GALNT13: variants seen among roughly 807,000 people sequenced by gnomAD.
GALNT13 encodes UDP-GalNAc:polypeptide N-acetylgalactosaminyltransferase 13.
In GALNT13, 28 loss-of-function variants were observed where a neutral mutation model predicts 64.2. The observed-to-expected ratio is 0.44, with a 90% CI of 0.32 to 0.60. The LOEUF is 0.60. Among genes scored for constraint, GALNT13 ranks in the 20% least tolerant of loss-of-function variants. The probability of loss-of-function intolerance (pLI) is 0.05; values close to 1 mark genes in which losing one functional copy is unlikely to be tolerated. For missense variants in GALNT13, 577 were observed against 669.8 expected, an observed-to-expected ratio of 0.86 and a Z score of 1.53; for synonymous variants, 214 against 224.6, an observed-to-expected ratio of 0.95 and a Z score of 0.42.
chr2:153,095,348 C>T, the GALNT13 span, among the ~76,000 whole-genome samples: 2 of 152,196 alleles, frequency 1.3e-5, no homozygotes. Flanking sequence ...GATGCCATCT[C>T]ATACCAGTTA....
chr2:154,037,852 A>G (rs1160321895), intron 3 of GALNT13, among the ~76,000 whole-genome samples: 1 of 152,164 alleles, frequency 6.6e-6, no homozygotes, highest in Non-Finnish European at 1.5e-5. Flanking sequence ...GTGAAAGAGG[A>G]CATAAAAATA....
chr2:153,460,131 A>G, the GALNT13 span, among the ~76,000 whole-genome samples: 2 of 152,088 alleles, frequency 1.3e-5, no homozygotes. Flanking sequence ...GGATCTTTTT[A>G]TGATAACTTA....
At chr2:154,212,887 TA>T (rs1167497808) in intron 4 of GALNT13, among the ~76,000 whole-genome samples, 3 of 152,102 alleles carry the variant, frequency 2.0e-5, no homozygotes, top group South Asian at 2.1e-4. Flanking sequence ...CACATTTTAT[TA>T]ATCTCAATGG....
At chr2:154,013,948 G>A (rs1485773377) in intron 3 of GALNT13, among the ~76,000 whole-genome samples, 1 of 152,214 alleles carries the variant, frequency 6.6e-6, no homozygotes. Flanking sequence ...TGCCAGCGAA[G>A]AAGCTATCAT....
chr2:153,671,904 G>T, the GALNT13 span, among the ~76,000 whole-genome samples: 1 of 151,844 alleles, frequency 6.6e-6, no homozygotes, highest in African/African-American at 2.4e-5. Context: ...TTGCAATCCT[G>T]GTCTCTGATA....
chr2:153,880,320 T>G (rs180732508), intron 1 of GALNT13, among the ~76,000 whole-genome samples: 6 of 152,286 alleles, frequency 3.9e-5, no homozygotes, highest in Admixed American at 2.6e-4. Flanking sequence ...TTATTTAATA[T>G]TTTTGTTTAA....
intron 9 of GALNT13, among the ~76,000 whole-genome samples, chr2:154,328,215 T>G (rs986004447): frequency 3.3e-5 from 5 of 152,136 alleles, no homozygotes; most frequent in Admixed American, 3.3e-4. Context: ...AAGTGCTATC[T>G]TGAAGATTGT....
chr2:153,143,028 G>T, the GALNT13 span, among the ~76,000 whole-genome samples: 2 of 152,000 alleles, frequency 1.3e-5, no homozygotes, highest in African/African-American at 4.8e-5. Flanking sequence ...AGCTTCAAAG[G>T]TGTGAATGGA....
the GALNT13 span, among the ~76,000 whole-genome samples, chr2:153,392,914 G>A: frequency 6.6e-6 from 1 of 151,998 alleles, no homozygotes; most frequent in Non-Finnish European, 1.5e-5. Context: ...AGGTCCAAGG[G>A]AGATTGTTAG....
the GALNT13 span, among the ~76,000 whole-genome samples, chr2:153,378,807 T>C: frequency 6.6e-6 from 1 of 152,144 alleles, no homozygotes; most frequent in East Asian, 1.9e-4. Context: ...GTGTAATGTG[T>C]TAGTTTGGAA....
intron 10 of GALNT13, among the ~76,000 whole-genome samples, 171 bp downstream of exon 10, chr2:154,396,301 C>T (rs1699049409): frequency 6.6e-6 from 1 of 151,870 alleles, no homozygotes; most frequent in African/African-American, 2.4e-5. Context: ...CATAAGGAAT[C>T]ATAAAAATGA....
Position 153,971,918 on chromosome 2 carries a change from A to G in GALNT13, c.142+27279A>G, listed in dbSNP as rs868817839. The stretch of plus-strand genomic sequence containing the variant: ...TAGTCAAGGATTGAGATGAGATCAT[A>G]CACAATTAGAGTAGGCTCTAAATCC... On this transcript the variant is annotated intron_variant, in intron 3 of 12. Transcript: ENST00000392825. Among the ~76,000 whole-genome samples the G allele has an allele frequency of 3.3e-5, 5 of 152,240 alleles. 1 individual carries two copies. Among genetic ancestry groups the G allele is most frequent in the Middle Eastern group, 3.4e-3 (1 of 294 alleles).
At chr2:153,873,795 T>G (rs923899652) in intron 1 of GALNT13, among the ~76,000 whole-genome samples, 1 of 152,108 alleles carries the variant, frequency 6.6e-6, no homozygotes, top group Non-Finnish European at 1.5e-5. Flanking sequence ...AAAGCTGCCT[T>G]TCCTCAGAGT....
At chr2:153,935,146 C>G (rs1452614462) in intron 2 of GALNT13, among the ~76,000 whole-genome samples, 3 of 152,192 alleles carry the variant, frequency 2.0e-5, no homozygotes, top group Non-Finnish European at 2.9e-5. Context: ...GGGACTCAGT[C>G]ACTGTAAATA....
In GALNT13 at chr2:153,979,263, A is replaced by T. The variant is rs1453651604; in HGVS notation, c.142+34624A>T. Reference sequence around the variant, plus strand: ...ACTTTGAGGATGGTTGTTTTTCATAAATCTTAGTGATTCAGCTAGCCACAC... The same window carrying T: ...ACTTTGAGGATGGTTGTTTTTCATATATCTTAGTGATTCAGCTAGCCACAC... On this transcript the variant is annotated intron_variant, in intron 3 of 12. Coordinates refer to ENST00000392825, the MANE Select transcript of GALNT13 (RefSeq NM_052917.4). Among the ~76,000 whole-genome samples, 6 of 152,262 alleles carry T rather than the reference A, an allele frequency of 3.9e-5. No homozygotes were observed. The East Asian group carries it at 1.2e-3, about 29-fold the overall frequency.
chr2:153,631,527 A>G, the GALNT13 span, among the ~76,000 whole-genome samples: 1 of 152,026 alleles, frequency 6.6e-6, no homozygotes. Context: ...ATGATATCTC[A>G]TTGTGGTTTT....
intron 9 of GALNT13, among the ~76,000 whole-genome samples, chr2:154,318,085 A>G (rs780252223): frequency 2.0e-5 from 3 of 152,186 alleles, no homozygotes; most frequent in Non-Finnish European, 4.4e-5. Flanking sequence ...AAAATACGCT[A>G]TCTCTTTGGA....
At chr2:154,050,086 C>A (rs1699503419) in intron 3 of GALNT13, among the ~76,000 whole-genome samples, 1 of 152,034 alleles carries the variant, frequency 6.6e-6, no homozygotes, top group African/African-American at 2.4e-5. Context: ...GTTTTACTTT[C>A]TTTCTCTTTG....
intron 3 of GALNT13, among the ~76,000 whole-genome samples, chr2:154,140,092 A>G (rs894601205): frequency 2.0e-5 from 3 of 152,094 alleles, no homozygotes; most frequent in South Asian, 2.1e-4. Context: ...TATTTTGTAC[A>G]TTTAGAATTA....
Sources: allele counts gnomAD v4.1 joint callset (sites outside exome capture counted in the v4.1 genomes callset), GRCh38; gene constraint gnomAD v4.1.1; transcripts MANE v1.5; gene names NCBI Gene and HGNC (gene_info 2026-07-23, HGNC 2026-07-21).